The following DPYSL3 variants were observed in gnomAD, a reference collection of about 807,000 sequenced individuals.
DPYSL3 encodes dihydropyrimidinase like 3.
In DPYSL3, 16 loss-of-function variants were observed where a neutral mutation model predicts 66.1. The ratio of observed to expected loss-of-function variants is 0.24; its 90% CI spans 0.16 to 0.37. The LOEUF is 0.37. Among genes scored for constraint, DPYSL3 ranks in the 10% least tolerant of loss-of-function variants. The probability of loss-of-function intolerance (pLI) is 1.00; values close to 1 mark genes in which losing one functional copy is unlikely to be tolerated. For synonymous variants in DPYSL3, 338 were observed against 345.1 expected (o/e 0.98, Z 0.23); for missense variants, 738 against 916.2 (o/e 0.81, Z 2.51).
chr5:147,453,733 CCCTCCCGGGCTCCCGCGGCGGCTG>C, intron 1 of DPYSL3: 1 of 1,314,642 alleles, frequency 7.6e-7, no homozygotes, highest in Non-Finnish European at 9.7e-7. Context: ...GCCTCCGCCC[CCCTCCCGGGCTCCCGCGGCGGCTG>C]CCAGAGACAA....
intron 13 of DPYSL3, among the ~76,000 whole-genome samples, chr5:147,394,895 A>G (rs533697418): frequency 1.1e-4 from 16 of 151,986 alleles, no homozygotes; most frequent in African/African-American, 3.6e-4. Context: ...TTTTCTTGTT[A>G]TCTTACTTCC....
chr5:147,506,086 T>C (rs1018498831), intron 1 of DPYSL3, among the ~76,000 whole-genome samples: 2 of 152,198 alleles, frequency 1.3e-5, no homozygotes, highest in Non-Finnish European at 2.9e-5. Flanking sequence ...CTATTTAGTA[T>C]AGGCACACAG....
chr5:147,468,427 C>G (rs1753040481), intron 1 of DPYSL3, among the ~76,000 whole-genome samples: 1 of 152,190 alleles, frequency 6.6e-6, no homozygotes, highest in Admixed American at 6.5e-5. Context: ...GTTTATACAT[C>G]TACTACAGAA....
chr5:147,433,082 T>C (rs116020735), intron 1 of DPYSL3, among the ~76,000 whole-genome samples: 3,797 of 152,296 alleles, frequency 0.025, 152 homozygotes, highest in African/African-American at 0.083. Context: ...TTTGTCATTA[T>C]GTGATTCCAT....
intron 2 of DPYSL3, among the ~76,000 whole-genome samples, chr5:147,418,890 G>A (rs530888604): frequency 8.5e-5 from 13 of 152,278 alleles, no homozygotes; most frequent in African/African-American, 2.4e-4. Context: ...AACCCCAGGG[G>A]TCTGATAGTG....
chr5:147,431,409 C>T (rs1388130634), intron 1 of DPYSL3, among the ~76,000 whole-genome samples: 3 of 152,042 alleles, frequency 2.0e-5, no homozygotes, highest in Admixed American at 6.5e-5. Context: ...TCTGGGTGGG[C>T]TTCAGTTACC....
At chr5:147,427,184 A>C (rs1752213178) in intron 1 of DPYSL3, among the ~76,000 whole-genome samples, 1 of 152,186 alleles carries the variant, frequency 6.6e-6, no homozygotes, top group Non-Finnish European at 1.5e-5. Context: ...CTTTTCCTCC[A>C]CGATGTGTGA....
chr5:147,444,624 C>T (rs528310004), intron 1 of DPYSL3, among the ~76,000 whole-genome samples: 41 of 152,206 alleles, frequency 2.7e-4, no homozygotes, highest in African/African-American at 9.4e-4. Flanking sequence ...TAGTGATTAC[C>T]ATTACACATA....
At chr5:147,478,298 G>A (rs575555860) in intron 1 of DPYSL3, among the ~76,000 whole-genome samples, 1 of 152,314 alleles carries the variant, frequency 6.6e-6, no homozygotes, top group South Asian at 2.1e-4. Flanking sequence ...ATCTGTAAGG[G>A]AGGCTGGAAC....
At chr5:147,454,902 A>G (rs888793200) in intron 1 of DPYSL3, among the ~76,000 whole-genome samples, 2 of 152,118 alleles carry the variant, frequency 1.3e-5, no homozygotes, top group African/African-American at 4.8e-5. Flanking sequence ...GAGCTCCTCA[A>G]CTCTCACGAC....
chr5:147,470,730 C>T (rs1753074344), intron 1 of DPYSL3, among the ~76,000 whole-genome samples: 1 of 152,124 alleles, frequency 6.6e-6, no homozygotes, highest in African/African-American at 2.4e-5. Flanking sequence ...TGTTTCCTAC[C>T]TCAAGCACTT....
intron 1 of DPYSL3, among the ~76,000 whole-genome samples, chr5:147,502,289 C>G (rs1433998349): frequency 6.6e-6 from 1 of 151,896 alleles, no homozygotes; most frequent in Non-Finnish European, 1.5e-5. Context: ...GTACACAAAC[C>G]TTCAGACCAC....
At chr5:147,442,453 G>A (rs1370005909) in intron 1 of DPYSL3, among the ~76,000 whole-genome samples, 1 of 152,182 alleles carries the variant, frequency 6.6e-6, no homozygotes, top group African/African-American at 2.4e-5. Context: ...AATGAGTGGT[G>A]ACAAGAATAT....
At position 147,415,732 on chromosome 5, in the gene DPYSL3, A is replaced by G. The variant is rs745478173; in HGVS notation, c.797T>C (p.Val266Ala). ...ACCTTTGTCCTTGATGAGGTTCTGC[A>G]CTTCCTGCTTGACGCTGTCATTCCA... is the stretch of plus-strand genomic sequence containing the variant. Reference protein sequence around the residue: ...THWNDSVKQEVQNLIKDKGVN... With the variant: ...THWNDSVKQEAQNLIKDKGVN... Residue 266 changes from valine (V) to alanine (A), a missense_variant, in exon 4 of 14, where the codon GTG becomes GCG. Val to Ala is a moderately conservative substitution (Grantham distance 64). Coordinates refer to ENST00000343218, the MANE Select transcript of DPYSL3 (RefSeq NM_001197294.2). 28 of 1,613,958 alleles carry G rather than the reference A, an allele frequency of 1.7e-5. No individual in the cohort carries two copies. The highest frequency in any genetic ancestry group is 1.6e-4 in the Middle Eastern group (1 of 6,082).
At chr5:147,433,410 T>A (rs1460830246) in intron 1 of DPYSL3, among the ~76,000 whole-genome samples, 1 of 152,002 alleles carries the variant, frequency 6.6e-6, no homozygotes, top group Non-Finnish European at 1.5e-5. Context: ...ATATGGCAAA[T>A]CTTTAACTGG....
chr5:147,411,997 C>T (rs1751864283), intron 6 of DPYSL3, among the ~76,000 whole-genome samples: 1 of 152,210 alleles, frequency 6.6e-6, no homozygotes, highest in Non-Finnish European at 1.5e-5. Context: ...CTTCCTAAGA[C>T]ACATCTGTCC....
chr5:147,415,495 C>T lies in DPYSL3; in HGVS notation c.820+214G>A, dbSNP rs192638166. ...CTGCTTATTCTGAGCCTCAGTTTCTCCATCTGCAAAGTGGGGAAAACAATC... is the reference window on the plus strand; with the variant it reads ...CTGCTTATTCTGAGCCTCAGTTTCTTCATCTGCAAAGTGGGGAAAACAATC... On this transcript the variant is annotated intron_variant, in intron 4 of 13. Coordinates refer to ENST00000343218, the MANE Select transcript of DPYSL3 (RefSeq NM_001197294.2). 2.0e-5 allele frequency among the ~76,000 whole-genome samples: 3 copies of T among 152,252 alleles called. No homozygotes were observed. The East Asian group carries it at 5.8e-4, about 29-fold the overall frequency.
chr5:147,509,859 G>T lies in DPYSL3; in HGVS notation c.-1C>A. On this transcript the variant is annotated 5_prime_UTR_variant, in exon 1 of 14. Coordinates refer to ENST00000343218, the MANE Select transcript of DPYSL3 (RefSeq NM_001197294.2). The surrounding 1 kb of genome is among the most constrained non-coding windows in gnomAD (Gnocchi z 5.3). The stretch of plus-strand genomic sequence containing the variant: ...CCCAGCCCCTCCGGCCCGAGGCCAT[G>T]GTTCAAGCACGAAAGCGGCCCGCGG... 1 of 1,513,520 alleles carries T rather than the reference G, an allele frequency of 6.6e-7. No homozygotes were observed. The highest frequency in any genetic ancestry group is 2.1e-5 in the Admixed American group (1 of 48,702). 93.8% of individuals were successfully genotyped at this position (1,513,520 alleles called of 1,614,324 possible). A position where few individuals can be genotyped will look rare whatever the true frequency, so the allele number is the denominator to read the frequency against.
chr5:147,450,619 C>T (rs1462668768), intron 1 of DPYSL3, among the ~76,000 whole-genome samples: 2 of 152,134 alleles, frequency 1.3e-5, no homozygotes, highest in African/African-American at 4.8e-5. Flanking sequence ...CCCTCATTTC[C>T]AGCCCTACCA....
Sources: allele counts gnomAD v4.1 joint callset (sites outside exome capture counted in the v4.1 genomes callset), GRCh38; gene constraint gnomAD v4.1.1; non-coding constraint Gnocchi (gnomAD v3.1); transcripts MANE v1.5; gene names NCBI Gene and HGNC (gene_info 2026-07-23, HGNC 2026-07-21).